KLRG1: variants seen among roughly 807,000 people sequenced by gnomAD.
KLRG1 encodes killer cell lectin like receptor G1, also known as killer cell lectin-like receptor subfamily G member 1.
Under a neutral mutation model 21.8 loss-of-function variants are expected in KLRG1, and 16 were observed. That is an observed-to-expected ratio of 0.73 (90% confidence interval 0.50 to 1.11). KLRG1 has a LOEUF of 1.11. Ranked by LOEUF, KLRG1 falls within the 50% of genes most tolerant of loss-of-function variation. The pLI, the probability that KLRG1 is intolerant of heterozygous loss-of-function variation, is 0.00. For synonymous variants in KLRG1, 69 were observed against 75.9 expected (o/e 0.91, Z 0.47); for missense variants, 173 against 218.3 (o/e 0.79, Z 1.31).
chr12:8,987,472 G>A (rs1946863381), upstream of KLRG1: 1 of 152,200 alleles, frequency 6.6e-6, no homozygotes, highest in Admixed American at 6.5e-5. Flanking sequence ...CTTGATCTTA[G>A]ACTTTCAGTC....
the KLRG1 span, among the ~76,000 whole-genome samples, chr12:9,084,364 T>C: frequency 1.3e-5 from 2 of 152,130 alleles, no homozygotes; most frequent in Non-Finnish European, 2.9e-5. Flanking sequence ...AAAATATTAA[T>C]AACAAGCATA....
chr12:8,975,713 A>G (rs1157303338), intron 1 of KLRG1, among the ~76,000 whole-genome samples: 2 of 151,968 alleles, frequency 1.3e-5, no homozygotes, highest in African/African-American at 2.4e-5. Flanking sequence ...ACAGGCATAT[A>G]CCATCACACT....
At chr12:9,028,435 C>A in the KLRG1 span, among the ~76,000 whole-genome samples, 3 of 139,988 alleles carry the variant, frequency 2.1e-5, no homozygotes, top group African/African-American at 7.6e-5. Context: ...CAGGTGTGAG[C>A]CACCACGCCA....
At chr12:8,983,829 G>A (rs367849246) in intron 1 of KLRG1, among the ~76,000 whole-genome samples, 7 of 152,160 alleles carry the variant, frequency 4.6e-5, no homozygotes, top group African/African-American at 1.7e-4. Flanking sequence ...GCTGTTTTCA[G>A]TATTTTCTTT....
At chr12:9,077,554 T>C in the KLRG1 span, 1 of 1,472,538 alleles carries the variant, frequency 6.8e-7, no homozygotes, top group Non-Finnish European at 9.3e-7. Flanking sequence ...CACAATCAAC[T>C]TTTGTTCTAT....
intron 1 of KLRG1, chr12:8,990,063 C>T (rs756536104): frequency 6.1e-6 from 1 of 163,112 alleles, no homozygotes; most frequent in East Asian, 1.7e-4. Flanking sequence ...TAACCTTGGA[C>T]CAGCTGTTTA....
the KLRG1 span, among the ~76,000 whole-genome samples, chr12:9,099,892 C>G: frequency 4.7e-3 from 723 of 152,332 alleles, 3 homozygotes; most frequent in Non-Finnish European, 7.2e-3. Flanking sequence ...CTTTAACCTT[C>G]TATGAGCCAA....
the KLRG1 span, among the ~76,000 whole-genome samples, chr12:9,144,533 A>C: frequency 6.6e-6 from 1 of 151,888 alleles, no homozygotes; most frequent in Admixed American, 6.6e-5. Flanking sequence ...GAGTTAAAGA[A>C]AGAGGAAAGA....
the KLRG1 span, chr12:9,070,465 GTCT>G: frequency 6.5e-7 from 1 of 1,537,122 alleles, no homozygotes; most frequent in East Asian, 2.2e-5. Flanking sequence ...AAATAGGGCA[GTCT>G]GGGGTTATGA....
chr12:8,979,701 G>C (rs1946723592), intron 1 of KLRG1, among the ~76,000 whole-genome samples: 1 of 151,746 alleles, frequency 6.6e-6, no homozygotes, highest in African/African-American at 2.4e-5. Flanking sequence ...TGTGTATATT[G>C]GCTTGCACAT....
the KLRG1 span, among the ~76,000 whole-genome samples, chr12:9,199,947 A>G: frequency 1.3e-5 from 2 of 152,198 alleles, no homozygotes; most frequent in African/African-American, 4.8e-5. Flanking sequence ...TTATGAGACC[A>G]TTTTTAGGAC....
chr12:9,112,753 TGTAA>T, the KLRG1 span: 3 of 546,852 alleles, frequency 5.5e-6, no homozygotes, highest in African/African-American at 1.9e-5. Flanking sequence ...TAAGAGAGGT[TGTAA>T]GTGAGATTCA....
the KLRG1 span, among the ~76,000 whole-genome samples, chr12:9,086,289 T>C: frequency 6.6e-6 from 1 of 152,138 alleles, no homozygotes; most frequent in African/African-American, 2.4e-5. Flanking sequence ...CACCTGTGGG[T>C]GGCTGAGGTG....
intron 1 of KLRG1, among the ~76,000 whole-genome samples, chr12:8,973,163 GAA>G (rs59760555): frequency 0.01 from 1,013 of 96,982 alleles, 7 homozygotes; most frequent in African/African-American, 0.04. Flanking sequence ...CATCTCAAAA[GAA>G]AAAAAAAAAA....
the KLRG1 span, among the ~76,000 whole-genome samples, chr12:9,158,910 T>A: frequency 6.6e-6 from 1 of 152,164 alleles, no homozygotes; most frequent in Non-Finnish European, 1.5e-5. Context: ...CTGTGGGCTC[T>A]ATGAATTTAT....
At chr12:9,109,507 T>G in the KLRG1 span, 1 of 857,894 alleles carries the variant, frequency 1.2e-6, no homozygotes, top group Non-Finnish European at 1.9e-6. Flanking sequence ...ATTTTAGGGC[T>G]CTGAAAAGGT....
At chr12:9,145,793 G>A in the KLRG1 span, among the ~76,000 whole-genome samples, 1 of 152,036 alleles carries the variant, frequency 6.6e-6, no homozygotes, top group Non-Finnish European at 1.5e-5. Context: ...CTCCATTTTT[G>A]ATGGACAGGT....
the KLRG1 span, among the ~76,000 whole-genome samples, chr12:9,188,477 C>T: frequency 6.6e-6 from 1 of 152,194 alleles, no homozygotes; most frequent in Non-Finnish European, 1.5e-5. Context: ...CAAGGATGTC[C>T]TCTCTCACCA....
At chr12:9,116,748 T>A in the KLRG1 span, among the ~76,000 whole-genome samples, 1 of 152,204 alleles carries the variant, frequency 6.6e-6, no homozygotes, top group South Asian at 2.1e-4. Context: ...CTACTAGGGC[T>A]AGACATCATG....
Sources: allele counts gnomAD v4.1 joint callset (sites outside exome capture counted in the v4.1 genomes callset), GRCh38; gene constraint gnomAD v4.1.1; transcripts MANE v1.5; gene names NCBI Gene and HGNC (gene_info 2026-07-23, HGNC 2026-07-21).